Variants in DRC8 observed in about 807,000 individuals in gnomAD.
DRC8 encodes dynein regulatory complex protein 8.
the DRC8 span, among the ~76,000 whole-genome samples, chr1:245,077,723 T>G: frequency 2.0e-5 from 3 of 152,084 alleles, no homozygotes; most frequent in Non-Finnish European, 4.4e-5. Context: ...AGAAATCAAC[T>G]CAAGCTGGAT....
chr1:244,986,138 A>G, the DRC8 span, among the ~76,000 whole-genome samples: 1 of 151,656 alleles, frequency 6.6e-6, no homozygotes, highest in East Asian at 2.0e-4. Flanking sequence ...TATTTTTAGT[A>G]GAGACGGGGT....
chr1:245,029,139 G>T, the DRC8 span, among the ~76,000 whole-genome samples: 106 of 152,346 alleles, frequency 7.0e-4, no homozygotes, highest in Non-Finnish European at 1.3e-3. Context: ...TATGTTCCAG[G>T]CTTTACAGAT....
chr1:245,082,059 G>C, the DRC8 span: 1 of 1,561,302 alleles, frequency 6.4e-7, no homozygotes, highest in Non-Finnish European at 8.8e-7. Context: ...TGACTAAATG[G>C]CTATTTACTT....
chr1:244,990,625 A>G, the DRC8 span, among the ~76,000 whole-genome samples: 15 of 152,200 alleles, frequency 9.9e-5, no homozygotes, highest in Non-Finnish European at 1.9e-4. Flanking sequence ...TGTCACTATG[A>G]CATAGCCCCA....
the DRC8 span, among the ~76,000 whole-genome samples, chr1:245,090,269 C>T: frequency 7.8e-4 from 118 of 152,144 alleles, 1 homozygote; most frequent in East Asian, 0.021. Context: ...TGAGAGGGCT[C>T]GGGGCCCTAA....
At chr1:245,009,122 A>G in the DRC8 span, among the ~76,000 whole-genome samples, 3 of 118,572 alleles carry the variant, frequency 2.5e-5, no homozygotes, top group Non-Finnish European at 4.8e-5. Flanking sequence ...TGCAACCTCC[A>G]CCTCCCAAGT....
At chr1:244,979,884 T>C in the DRC8 span, among the ~76,000 whole-genome samples, 3 of 151,616 alleles carry the variant, frequency 2.0e-5, no homozygotes, top group Non-Finnish European at 4.4e-5. Context: ...GGAATTTTTA[T>C]TCTTAAAGCA....
chr1:244,975,731 G>A, the DRC8 span, among the ~76,000 whole-genome samples: 4 of 151,880 alleles, frequency 2.6e-5, no homozygotes, highest in African/African-American at 4.8e-5. Context: ...GTGGTGGCGC[G>A]TGCCTGTAAT....
the DRC8 span, among the ~76,000 whole-genome samples, chr1:245,088,315 G>GACACACACACACACACAC: frequency 3.5e-3 from 504 of 145,586 alleles, 4 homozygotes; most frequent in African/African-American, 0.012. This position sits in a 1 kb window ranked among gnomAD's most constrained non-coding sequence, Gnocchi z 4.6. Context: ...GTTATAACAA[G>GACACACACACACACACAC]ACACACACAC....
At chr1:245,005,354 T>G in the DRC8 span, among the ~76,000 whole-genome samples, 1 of 151,854 alleles carries the variant, frequency 6.6e-6, no homozygotes, top group African/African-American at 2.4e-5. Flanking sequence ...AGATTGGTAT[T>G]AATTTTTTTT....
chr1:244,982,924 G>A, the DRC8 span, among the ~76,000 whole-genome samples: 3 of 152,046 alleles, frequency 2.0e-5, no homozygotes, highest in Admixed American at 2.0e-4. Flanking sequence ...CAAAAAATTA[G>A]CCAGGTGTGG....
At chr1:245,056,694 T>C in the DRC8 span, among the ~76,000 whole-genome samples, 1 of 152,034 alleles carries the variant, frequency 6.6e-6, no homozygotes, top group South Asian at 2.1e-4. Context: ...TCCCAGCACT[T>C]TGGGAGGCTG....
At chr1:244,988,770 G>A in the DRC8 span, among the ~76,000 whole-genome samples, 16 of 152,062 alleles carry the variant, frequency 1.1e-4, no homozygotes, top group African/African-American at 3.1e-4. Context: ...ACTTCCCTAC[G>A]TTACAAAAAA....
the DRC8 span, among the ~76,000 whole-genome samples, chr1:244,976,614 A>G: frequency 6.6e-5 from 10 of 152,342 alleles, no homozygotes; most frequent in Middle Eastern, 3.4e-3. Context: ...TAGGAAGGCT[A>G]TTATCACCAG....
the DRC8 span, among the ~76,000 whole-genome samples, chr1:245,095,809 C>T: frequency 4.6e-5 from 7 of 152,156 alleles, no homozygotes; most frequent in East Asian, 5.8e-4. Context: ...GAATACATTC[C>T]GAAAAGCAGA....
chr1:244,980,040 T>TGAAAAAAAAAAAA, the DRC8 span, among the ~76,000 whole-genome samples: 7 of 34,756 alleles, frequency 2.0e-4, no homozygotes, highest in African/African-American at 9.5e-4. Context: ...CCGTCTCTAC[T>TGAAAAAAAAAAAA]AAAAAAAAAA....
At chr1:244,994,078 A>G in the DRC8 span, among the ~76,000 whole-genome samples, 3 of 152,336 alleles carry the variant, frequency 2.0e-5, no homozygotes, top group Admixed American at 6.5e-5. Context: ...CTTACTGTCC[A>G]GAAGTGATTC....
the DRC8 span, chr1:245,086,649 T>C: frequency 4.0e-6 from 2 of 498,544 alleles, no homozygotes; most frequent in South Asian, 3.0e-5. Context: ...AACACTTGCA[T>C]GTTGCTGCTT....
At chr1:245,059,676 G>A in the DRC8 span, among the ~76,000 whole-genome samples, 2 of 152,150 alleles carry the variant, frequency 1.3e-5, no homozygotes, top group Non-Finnish European at 2.9e-5. Flanking sequence ...TAACACAACT[G>A]ATCAAATAAA....
Sources: gnomAD v4.1 joint callset for allele counts (sites outside exome capture counted in the v4.1 genomes callset) on GRCh38, gnomAD v4.1.1 for gene constraint, Gnocchi (gnomAD v3.1) non-coding constraint, MANE v1.5 for transcripts, NCBI Gene and HGNC (gene_info 2026-07-23, HGNC 2026-07-21) for gene names.